HDAC1: variants seen among roughly 807,000 people sequenced by gnomAD.
HDAC1 encodes protein deacetylase HDAC1.
A neutral mutation model predicts 65.5 loss-of-function variants in HDAC1; 18 were observed. The observed-to-expected ratio is 0.27, with a 90% CI of 0.19 to 0.41. The LOEUF (loss-of-function observed/expected upper bound fraction) is 0.41, where lower values mean the gene tolerates loss of function less well. HDAC1 is among the 10% of genes least tolerant of loss of function. The pLI is 1.00. For missense variants in HDAC1, 373 were observed against 625.2 expected, an observed-to-expected ratio of 0.60 and a Z score of 4.30; for synonymous variants, 211 against 227.9, an observed-to-expected ratio of 0.93 and a Z score of 0.67.
In HDAC1 at chr1:32,292,191, C is replaced by G; in HGVS notation, c.22C>G (p.Arg8Gly). The change falls in exon 1 of 14, where the codon CGG becomes GGG. Residue 8 changes from arginine to glycine, a missense_variant. Physicochemically the swap from Arg to Gly is moderately radical, Grantham distance 125 (BLOSUM62 -2). Coordinates refer to ENST00000373548, the MANE Select transcript of HDAC1 (RefSeq NM_004964.3). MAQTQGT[R>G]RKVCYYYDGD... ...CAAGATGGCGCAGACGCAGGGCACC[C>G]GGAGGAAAGTCTGTTACTACTACGA... 1 of 1,548,648 alleles carries G rather than the reference C, an allele frequency of 6.5e-7. No homozygotes were observed. Among genetic ancestry groups the G allele is most frequent in the Non-Finnish European group, 8.7e-7 (1 of 1,146,420 alleles).
intron 2 of HDAC1, among the ~76,000 whole-genome samples, chr1:32,315,616 G>A (rs565187733): frequency 1.3e-5 from 2 of 150,974 alleles, no homozygotes; most frequent in African/African-American, 4.9e-5. Context: ...GCCTCCCAAA[G>A]TGCTGGGATT....
intron 3 of HDAC1, 54 bp from the exon 4 acceptor site, chr1:32,324,425 A>T: frequency 8.2e-7 from 1 of 1,221,636 alleles, no homozygotes; most frequent in South Asian, 1.2e-5. Context: ...CAGCTCATAA[A>T]TATGTAAACT....
chr1:32,301,046 AGAGAGAGAGAGT>A (rs1640840480), intron 1 of HDAC1, among the ~76,000 whole-genome samples: 1 of 151,810 alleles, frequency 6.6e-6, no homozygotes, highest in Admixed American at 6.6e-5. Context: ...TAGAGCAAAG[AGAGAGAGAGAGT>A]GAGTGTGTGT....
chr1:32,332,431 G>A (rs569250557), intron 12 of HDAC1, among the ~76,000 whole-genome samples, 189 bp downstream of exon 12: 11 of 152,282 alleles, frequency 7.2e-5, no homozygotes, highest in South Asian at 2.1e-4. Context: ...GCCTGAGCAC[G>A]GCTCTCACAT....
chr1:32,318,467 G>C (rs966447172), intron 3 of HDAC1, among the ~76,000 whole-genome samples: 1 of 152,066 alleles, frequency 6.6e-6, no homozygotes, highest in Non-Finnish European at 1.5e-5. Flanking sequence ...GGAGGTTGAG[G>C]AGGGAGGATC....
chr1:32,320,924 CAG>C (rs1436967806), intron 3 of HDAC1, among the ~76,000 whole-genome samples: 21 of 83,428 alleles, frequency 2.5e-4, no homozygotes, highest in African/African-American at 8.4e-4. Flanking sequence ...AAAAAAAAAA[CAG>C]AAAAAGAAAA....
rs535434877 is a variant in HDAC1, at chr1:32,331,815, C to G, written c.1219+9C>G. On this transcript the variant is annotated intron_variant, in intron 11 of 13. Coordinates refer to ENST00000373548, the MANE Select transcript of HDAC1 (RefSeq NM_004964.3). The surrounding 1 kb of genome is among the most constrained non-coding windows in gnomAD (Gnocchi z 4.2). ...TGACAAGCGCATCTCGAGTGAGACC[C>G]AGACCTAGAGCCCTATGCCTTCCAT... 2 of 1,604,784 alleles carry G rather than the reference C, an allele frequency of 1.2e-6. No individual in the cohort carries two copies. Among genetic ancestry groups the G allele is most frequent in the Non-Finnish European group, 1.7e-6 (2 of 1,175,166 alleles).
rs1641264642 is a variant in HDAC1, at chr1:32,329,657, G to A, written c.729+497G>A. On this transcript the variant is annotated intron_variant, in intron 7 of 13. Coordinates refer to ENST00000373548, the MANE Select transcript of HDAC1 (RefSeq NM_004964.3). This position sits in a 1 kb window ranked among gnomAD's most constrained non-coding sequence, Gnocchi z 4.1. The stretch of plus-strand genomic sequence containing the variant: ...CCAGTCAGCCCATCCAGAGATTCTG[G>A]AAAGGCTGTGTGGCATGTTCCATGG... 3 of 172,316 alleles carry A rather than the reference G, an allele frequency of 1.7e-5. No individual in the cohort carries two copies. In the South Asian group the frequency reaches 4.2e-4, roughly 24 times the overall value. The allele number at this position is 172,316 out of a possible 1,614,324, so 10.7% of individuals were successfully genotyped here.
rs191456744 is a variant in HDAC1 at position 32,308,036 on chromosome 1, C to T, written c.162+5303C>T. On this transcript the variant is annotated intron_variant, in intron 2 of 13. Transcript: ENST00000373548. ...ATCAAAGAGCTTAGAGTCTTTACTT[C>T]GGGCCGGGCGCAGTGGCTCACGCCT... Among the ~76,000 whole-genome samples, 422 of 151,600 alleles carry T rather than the reference C, an allele frequency of 2.8e-3. 3 individuals carry two copies. The highest frequency in any genetic ancestry group is 9.0e-3 in the African/African-American group (373 of 41,360).
chr1:32,332,864 CA>C (rs1641315964), intron 13 of HDAC1, 115 bp downstream of exon 13: 1 of 1,187,566 alleles, frequency 8.4e-7, no homozygotes, highest in South Asian at 1.3e-5. Flanking sequence ...AGGCCTCTTT[CA>C]GGGACCAGTC....
intron 2 of HDAC1, among the ~76,000 whole-genome samples, chr1:32,307,701 C>T (rs1201449979): frequency 2.6e-5 from 4 of 152,230 alleles, no homozygotes; most frequent in Middle Eastern, 3.4e-3. Context: ...ACTGTAGAAA[C>T]CAAAACTGAG....
intron 4 of HDAC1, 68 bp downstream of exon 4, chr1:32,324,621 G>C: frequency 9.7e-7 from 1 of 1,031,330 alleles, no homozygotes. Context: ...CTTTTAGGCT[G>C]CTATCCTAGT....
At chr1:32,312,392 A>C (rs1641002049) in intron 2 of HDAC1, among the ~76,000 whole-genome samples, 1 of 150,972 alleles carries the variant, frequency 6.6e-6, no homozygotes, top group South Asian at 2.1e-4. Context: ...ATGTAGTTTC[A>C]CTCTGTTGCC....
At chr1:32,300,623 A>G (rs1380962784) in intron 1 of HDAC1, among the ~76,000 whole-genome samples, 1 of 152,206 alleles carries the variant, frequency 6.6e-6, no homozygotes, top group African/African-American at 2.4e-5. Flanking sequence ...TGTAGAGGAA[A>G]AGACCATTTA....
At position 32,327,307 on chromosome 1, in the gene HDAC1, G is replaced by T; in HGVS notation, c.495-229G>T. ...GATCCTGCCTCCAGAGTGTCCCTGT[G>T]TGGCTGGAGTTGACCCTGGCTGTAG... On this transcript the variant is annotated intron_variant, in intron 5 of 13. Transcript: ENST00000373548. This position sits in a 1 kb window ranked among gnomAD's most constrained non-coding sequence, Gnocchi z 6.0. The T allele has an allele frequency of 1.6e-6, 1 of 617,484 alleles. No individual in the cohort carries two copies. The highest frequency in any genetic ancestry group is 2.8e-6 in the Non-Finnish European group (1 of 351,124). 38.3% of individuals were successfully genotyped at this position (617,484 alleles called of 1,614,324 possible).
At chr1:32,325,595 A>G (rs1641206095) in intron 4 of HDAC1, among the ~76,000 whole-genome samples, 1 of 152,208 alleles carries the variant, frequency 6.6e-6, no homozygotes, top group Admixed American at 6.5e-5. Context: ...TTCCTACTTA[A>G]CGAAATTGTC....
At chr1:32,314,327 G>T (rs1641029281) in intron 2 of HDAC1, among the ~76,000 whole-genome samples, 1 of 151,960 alleles carries the variant, frequency 6.6e-6, no homozygotes, top group Non-Finnish European at 1.5e-5. Flanking sequence ...TGAGTAGTTA[G>T]GACTATAGGC....
intron 2 of HDAC1, among the ~76,000 whole-genome samples, chr1:32,309,231 A>G (rs773707384): frequency 6.6e-6 from 1 of 152,254 alleles, no homozygotes; most frequent in South Asian, 2.1e-4. Context: ...AGACCAAGCA[A>G]ACATGCAATT....
At chr1:32,302,001 T>A (rs1485708341) in intron 1 of HDAC1, among the ~76,000 whole-genome samples, 1 of 152,182 alleles carries the variant, frequency 6.6e-6, no homozygotes, top group Non-Finnish European at 1.5e-5. Flanking sequence ...AGTGATGTTA[T>A]CAGAATTGTG....
Sources: gnomAD v4.1 joint callset for allele counts (sites outside exome capture counted in the v4.1 genomes callset) on GRCh38, gnomAD v4.1.1 for gene constraint, Gnocchi (gnomAD v3.1) non-coding constraint, MANE v1.5 for transcripts, NCBI Gene and HGNC (gene_info 2026-07-23, HGNC 2026-07-21) for gene names.